PPP1R9A: variants seen among roughly 807,000 people sequenced by gnomAD.
PPP1R9A encodes protein phosphatase 1 regulatory subunit 9A.
PPP1R9A carries 59 observed loss-of-function variants against 141.9 expected under a neutral mutation model. That is an observed-to-expected ratio of 0.42 (90% CI 0.34 to 0.52). PPP1R9A has a LOEUF of 0.52. Among genes scored for constraint, PPP1R9A ranks in the 20% least tolerant of loss-of-function variants. The probability of loss-of-function intolerance (pLI) is 0.10; values close to 1 mark genes in which losing one functional copy is unlikely to be tolerated. For missense variants in PPP1R9A, 1,444 were observed against 1,611.9 expected (o/e 0.90, Z 1.78); for synonymous variants, 500 against 569.7 (o/e 0.88, Z 1.74).
At chr7:95,078,891 G>C (rs1248101175) in intron 2 of PPP1R9A, among the ~76,000 whole-genome samples, 1 of 152,084 alleles carries the variant, frequency 6.6e-6, no homozygotes, top group African/African-American at 2.4e-5. Context: ...CCCTTTGTCA[G>C]ATGAGTAGGT....
intron 2 of PPP1R9A, among the ~76,000 whole-genome samples, chr7:94,951,714 T>C (rs1796495769): frequency 6.6e-6 from 1 of 152,060 alleles, no homozygotes; most frequent in Admixed American, 6.6e-5. Flanking sequence ...GTATAAGGGT[T>C]ATACCAGTCT....
At chr7:94,919,621 C>T (rs1792535465) in intron 2 of PPP1R9A, among the ~76,000 whole-genome samples, 2 of 152,182 alleles carry the variant, frequency 1.3e-5, no homozygotes, top group South Asian at 2.1e-4. Flanking sequence ...GAATTGTTCA[C>T]GGACAGCTTC....
intron 3 of PPP1R9A, among the ~76,000 whole-genome samples, chr7:95,115,656 T>A (rs535638176): frequency 1.3e-5 from 2 of 152,042 alleles, no homozygotes; most frequent in South Asian, 4.2e-4. Context: ...CGGTGGCTCA[T>A]GTCTATAATC....
chr7:95,169,995 C>A (rs910130568), intron 5 of PPP1R9A, among the ~76,000 whole-genome samples: 1 of 151,142 alleles, frequency 6.6e-6, no homozygotes, highest in African/African-American at 2.4e-5. Context: ...TTCAAAAATA[C>A]AATAAGGTAG....
chr7:95,089,056 A>T (rs1816991539), intron 2 of PPP1R9A, among the ~76,000 whole-genome samples: 1 of 152,022 alleles, frequency 6.6e-6, no homozygotes, highest in South Asian at 2.1e-4. Flanking sequence ...CTTCTGAGTC[A>T]CCATGCCAAC....
At chr7:95,170,933 G>C (rs1173622728) in intron 5 of PPP1R9A, among the ~76,000 whole-genome samples, 2 of 151,440 alleles carry the variant, frequency 1.3e-5, no homozygotes, top group Non-Finnish European at 3.0e-5. Context: ...ATAGCATGTC[G>C]GTTTTTATGA....
At chr7:94,946,470 A>T (rs2150990675) in intron 2 of PPP1R9A, among the ~76,000 whole-genome samples, 1 of 152,168 alleles carries the variant, frequency 6.6e-6, no homozygotes, top group African/African-American at 2.4e-5. Context: ...TTAGGGATAT[A>T]ACACAGTGGC....
chr7:94,943,065 T>G (rs1310609208), intron 2 of PPP1R9A, among the ~76,000 whole-genome samples: 3 of 152,138 alleles, frequency 2.0e-5, no homozygotes, highest in African/African-American at 7.2e-5. Flanking sequence ...CATGGACTAT[T>G]TAGTTATTTT....
chr7:94,940,929 A>G (rs573361624), intron 2 of PPP1R9A, among the ~76,000 whole-genome samples: 10 of 152,262 alleles, frequency 6.6e-5, no homozygotes, highest in Non-Finnish European at 1.0e-4. Context: ...TCTGTAAGCT[A>G]TAAGGAGTTG....
At chr7:95,248,650 G>C (rs995166127) in intron 9 of PPP1R9A, among the ~76,000 whole-genome samples, 8 of 151,998 alleles carry the variant, frequency 5.3e-5, no homozygotes, top group Non-Finnish European at 1.0e-4. Context: ...TTTTCCCTGT[G>C]ATTGTGTTTT....
chr7:94,960,987 C>A (rs1292435424), intron 2 of PPP1R9A, among the ~76,000 whole-genome samples: 1 of 151,576 alleles, frequency 6.6e-6, no homozygotes, highest in Non-Finnish European at 1.5e-5. Flanking sequence ...AGGGAAGATA[C>A]ATGTTCTATA....
At chr7:95,190,330 T>C (rs1173031789) in intron 5 of PPP1R9A, among the ~76,000 whole-genome samples, 2 of 152,214 alleles carry the variant, frequency 1.3e-5, no homozygotes, top group Middle Eastern at 3.2e-3. Context: ...TACTAGGCTC[T>C]GTGTTAGTGC....
intron 5 of PPP1R9A, among the ~76,000 whole-genome samples, chr7:95,192,578 T>C (rs762875431): frequency 1.3e-5 from 2 of 152,054 alleles, no homozygotes; most frequent in Non-Finnish European, 2.9e-5. Flanking sequence ...AAGCACCAGA[T>C]ACTTAGTTTT....
intron 2 of PPP1R9A, among the ~76,000 whole-genome samples, chr7:94,980,360 T>A (rs943824329): frequency 6.6e-6 from 1 of 152,148 alleles, no homozygotes; most frequent in East Asian, 1.9e-4. Context: ...GTATTAATAT[T>A]GTATTAATAT....
At chr7:95,218,791 C>T (rs1404323652) in intron 7 of PPP1R9A, among the ~76,000 whole-genome samples, 1 of 152,148 alleles carries the variant, frequency 6.6e-6, no homozygotes, top group South Asian at 2.1e-4. Context: ...GGATTGCAAC[C>T]CCTGCCTTTT....
chr7:95,097,032 T>C (rs996851149), intron 2 of PPP1R9A, among the ~76,000 whole-genome samples: 1 of 152,144 alleles, frequency 6.6e-6, no homozygotes, highest in Non-Finnish European at 1.5e-5. Context: ...CTGAGATTAA[T>C]AAAGTTTTTA....
intron 2 of PPP1R9A, among the ~76,000 whole-genome samples, chr7:95,103,889 A>T (rs1399028796): frequency 6.6e-6 from 1 of 152,200 alleles, no homozygotes; most frequent in Non-Finnish European, 1.5e-5. Context: ...TATATTGTCT[A>T]TAATTTAAAG....
chr7:95,080,586 C>G (rs1005084530), intron 2 of PPP1R9A, among the ~76,000 whole-genome samples: 1 of 152,162 alleles, frequency 6.6e-6, no homozygotes, highest in Non-Finnish European at 1.5e-5. Context: ...TTGGAAAAAA[C>G]TACTTTAAAG....
chr7:95,112,930 G>A (rs772573311), intron 3 of PPP1R9A, among the ~76,000 whole-genome samples: 31 of 152,186 alleles, frequency 2.0e-4, no homozygotes, highest in African/African-American at 6.7e-4. Context: ...AAAAGTTTAC[G>A]AGGGTGGGAG....
Sources: allele counts gnomAD v4.1 joint callset (sites outside exome capture counted in the v4.1 genomes callset), GRCh38; gene constraint gnomAD v4.1.1; transcripts MANE v1.5; gene names NCBI Gene and HGNC (gene_info 2026-07-23, HGNC 2026-07-21).